Variants in APBB2 observed in about 807,000 individuals in gnomAD.
APBB2 encodes the protein Fe65-like 1.
In APBB2, 38 loss-of-function variants were observed where a neutral mutation model predicts 82.5. The ratio of observed to expected loss-of-function variants is 0.46; its 90% CI spans 0.36 to 0.60. APBB2 has a LOEUF of 0.60. APBB2 is among the 20% of genes least tolerant of loss of function. The pLI is 0.00. For synonymous variants in APBB2, 341 were observed against 368.2 expected (o/e 0.93, Z 0.85); for missense variants, 772 against 972.3 (o/e 0.79, Z 2.74).
At chr4:40,850,077 C>T (rs533595459) in intron 12 of APBB2, among the ~76,000 whole-genome samples, 1 of 152,266 alleles carries the variant, frequency 6.6e-6, no homozygotes, top group Admixed American at 6.5e-5. Context: ...ATCATTTTTC[C>T]TTTTTTGTTG....
chr4:41,187,504 G>A (rs1011358740), intron 1 of APBB2, among the ~76,000 whole-genome samples: 45 of 152,310 alleles, frequency 3.0e-4, no homozygotes, highest in East Asian at 1.9e-4. Flanking sequence ...TATGAATTCA[G>A]AAGGCTTTGT....
chr4:40,836,123 GGA>G (rs1468925629), intron 12 of APBB2, among the ~76,000 whole-genome samples: 9 of 152,208 alleles, frequency 5.9e-5, no homozygotes, highest in Non-Finnish European at 1.0e-4. Flanking sequence ...GGTCTGGGCA[GGA>G]GACATGGATC....
intron 6 of APBB2, among the ~76,000 whole-genome samples, chr4:41,003,619 C>T (rs1321933940): frequency 1.3e-5 from 2 of 152,216 alleles, no homozygotes; most frequent in Non-Finnish European, 2.9e-5. Flanking sequence ...CAAGGAATGT[C>T]ACACATTTCT....
chr4:40,984,720 A>G (rs541314507), intron 6 of APBB2, among the ~76,000 whole-genome samples: 2 of 152,176 alleles, frequency 1.3e-5, no homozygotes, highest in African/African-American at 4.8e-5. Flanking sequence ...AATTCAGTGC[A>G]TTGCTTATTC....
chr4:41,122,640 C>A (rs755331009), intron 2 of APBB2, among the ~76,000 whole-genome samples: 37 of 152,194 alleles, frequency 2.4e-4, no homozygotes, highest in Non-Finnish European at 1.3e-4. Context: ...TTAAAGCTAA[C>A]TGTTGTGGCT....
At chr4:40,901,911 G>A (rs28705023) in intron 10 of APBB2, among the ~76,000 whole-genome samples, 4 of 60,416 alleles carry the variant, frequency 6.6e-5, no homozygotes, top group African/African-American at 3.4e-4. Context: ...CCAAAATTAT[G>A]TGTGTGTGTG....
rs1312579161 is a variant in APBB2 at position 41,209,845 on chromosome 4, ACAAAGCAGTGACAAACCAG to A, written c.-417+4541_-417+4559del. Among the ~76,000 whole-genome samples, 10 of 152,372 alleles carry A rather than the reference ACAAAGCAGTGACAAACCAG, an allele frequency of 6.6e-5. No homozygotes were observed. In the East Asian group the frequency reaches 1.7e-3, roughly 26 times the overall value. On this transcript the variant is annotated intron_variant, in intron 1 of 17. Coordinates refer to ENST00000508593, the MANE Select transcript of APBB2 (RefSeq NM_004307.2). ...TTGGGCAAAAAAAGAAGGGCATTGG[ACAAAGCAGTGACAAACCAG>A]ACAGGGAAACACAAAATCACCTCCA...
At chr4:41,181,802 C>T (rs542496063) in intron 1 of APBB2, among the ~76,000 whole-genome samples, 5 of 151,780 alleles carry the variant, frequency 3.3e-5, no homozygotes, top group African/African-American at 1.2e-4. Flanking sequence ...AAAATTAGCC[C>T]GGCATGGTGG....
chr4:40,913,705 T>C (rs1458589233), intron 10 of APBB2, among the ~76,000 whole-genome samples: 3 of 152,248 alleles, frequency 2.0e-5, no homozygotes, highest in East Asian at 1.9e-4. Context: ...TCAGTTCTTA[T>C]ACTGTAAAGA....
intron 17 of APBB2, among the ~76,000 whole-genome samples, chr4:40,819,620 T>A (rs1277800126): frequency 3.3e-5 from 5 of 151,940 alleles, no homozygotes; most frequent in South Asian, 2.1e-4. Context: ...TTAAAAAAAA[T>A]AAAATAAAAT....
intron 1 of APBB2, among the ~76,000 whole-genome samples, chr4:41,191,030 T>A (rs186522051): frequency 2.0e-5 from 3 of 152,248 alleles, no homozygotes; most frequent in Admixed American, 6.5e-5. Flanking sequence ...TTCAATTCTC[T>A]CTGAGGAGAA....
At chr4:40,839,651 T>A (rs977279228) in intron 12 of APBB2, among the ~76,000 whole-genome samples, 1 of 151,926 alleles carries the variant, frequency 6.6e-6, no homozygotes, top group Non-Finnish European at 1.5e-5. Flanking sequence ...TCCTTATCCA[T>A]GAGGGATTTT....
At chr4:41,004,251 G>A (rs1806053239) in intron 6 of APBB2, among the ~76,000 whole-genome samples, 1 of 152,098 alleles carries the variant, frequency 6.6e-6, no homozygotes, top group South Asian at 2.1e-4. Flanking sequence ...CACCAAGTGT[G>A]TGATAATTTG....
chr4:41,149,195 T>G (rs1418516944), intron 1 of APBB2, among the ~76,000 whole-genome samples: 2 of 152,140 alleles, frequency 1.3e-5, no homozygotes, highest in African/African-American at 4.8e-5. Context: ...GAACACATGC[T>G]GAAATTCATC....
At chr4:41,079,642 A>G (rs187900159) in intron 3 of APBB2, among the ~76,000 whole-genome samples, 1 of 149,112 alleles carries the variant, frequency 6.7e-6, no homozygotes, top group African/African-American at 2.5e-5. Flanking sequence ...TCCACCTCCC[A>G]GGTTCAAGTG....
chr4:41,193,943 T>C, intron 1 of APBB2: 1 of 152,204 alleles, frequency 6.6e-6, no homozygotes, highest in Non-Finnish European at 1.5e-5. Flanking sequence ...AATATCAGTA[T>C]CTAGAACATT....
At chr4:41,166,551 CG>C (rs1380261101) in intron 1 of APBB2, among the ~76,000 whole-genome samples, 1 of 148,122 alleles carries the variant, frequency 6.8e-6, no homozygotes, top group Non-Finnish European at 1.5e-5. Context: ...GCACTCCAGC[CG>C]GGTCAACAGA....
At chr4:40,894,549 T>C (rs1245985373) in intron 10 of APBB2, among the ~76,000 whole-genome samples, 1 of 152,192 alleles carries the variant, frequency 6.6e-6, no homozygotes, top group African/African-American at 2.4e-5. Context: ...GGAAAAAAAG[T>C]ATCCACTCAT....
At chr4:41,092,887 C>A (rs1446651648) in intron 3 of APBB2, among the ~76,000 whole-genome samples, 1 of 152,070 alleles carries the variant, frequency 6.6e-6, no homozygotes, top group Non-Finnish European at 1.5e-5. Context: ...TTTAAGAGAT[C>A]CATTCTGCTG....
Sources: gnomAD v4.1 joint callset for allele counts (sites outside exome capture counted in the v4.1 genomes callset) on GRCh38, gnomAD v4.1.1 for gene constraint, MANE v1.5 for transcripts, NCBI Gene and HGNC (gene_info 2026-07-23, HGNC 2026-07-21) for gene names.